The following ACACA variants were observed in gnomAD, a reference collection of about 807,000 sequenced individuals.
ACACA encodes acetyl-CoA carboxylase alpha.
Under a neutral mutation model 296.1 loss-of-function variants are expected in ACACA, and 103 were observed. That is an observed-to-expected ratio of 0.35 (90% CI 0.30 to 0.41). The LOEUF (loss-of-function observed/expected upper bound fraction) is 0.41, where lower values mean the gene tolerates loss of function less well. Ranked by LOEUF, ACACA falls within the 10% of genes least tolerant of loss-of-function variation. The pLI is 1.00. For synonymous variants in ACACA, 953 were observed against 1,038.6 expected (o/e 0.92, Z 1.58); for missense variants, 1,554 against 2,989.7 (o/e 0.52, Z 11.20).
chr17:37,190,433 A>C (rs1255684548), intron 38 of ACACA, among the ~76,000 whole-genome samples: 1 of 152,060 alleles, frequency 6.6e-6, no homozygotes, highest in African/African-American at 2.4e-5. Context: ...GTCTCAACAA[A>C]AAAAAAAAGA....
At chr17:37,252,167 C>A in intron 15 of ACACA, 59 bp from the exon 16 acceptor site, 1 of 1,355,204 alleles carries the variant, frequency 7.4e-7, no homozygotes, top group Admixed American at 1.7e-5. Flanking sequence ...CACAGCCTCT[C>A]AAATGAAATC....
rs574391575 is a variant in ACACA, at chr17:37,085,547, G to T, written c.*1769C>A. 1.0e-5 allele frequency: 4 copies of T among 398,600 alleles called. No homozygotes were observed. The Admixed American group carries it at 1.8e-4, about 18-fold the overall frequency. The allele number at this position is 398,600 out of a possible 1,614,324, so 24.7% of individuals were successfully genotyped here. ...TTCTTACTAGGTAAGCAAATAGCCA[G>T]CAATGGTCAATGCATTTTCCTGGAC... On this transcript the variant is annotated 3_prime_UTR_variant, in exon 56 of 56. Transcript: ENST00000616317.
intron 9 of ACACA, among the ~76,000 whole-genome samples, chr17:37,273,634 G>A (rs1040276067): frequency 1.8e-4 from 28 of 152,176 alleles, no homozygotes; most frequent in African/African-American, 6.8e-4. Context: ...TCTCTCTGTC[G>A]AGGGAAATCT....
chr17:37,154,661 T>C (rs1043027326), intron 43 of ACACA, among the ~76,000 whole-genome samples: 6 of 152,044 alleles, frequency 3.9e-5, no homozygotes, highest in Admixed American at 1.3e-4. Context: ...CAGGCCCGGC[T>C]AATTTGTATA....
chr17:37,401,333 C>A (rs2051282135), intron 1 of ACACA, among the ~76,000 whole-genome samples: 1 of 151,406 alleles, frequency 6.6e-6, no homozygotes, highest in African/African-American at 2.4e-5. Context: ...GCTGGGAATA[C>A]AAGCGCCCGC....
In ACACA at chr17:37,183,746, C is replaced by T. The variant is rs374764143; in HGVS notation, c.4777-2390G>A. Among the ~76,000 whole-genome samples the T allele has an allele frequency of 2.1e-4, 32 of 149,628 alleles. No individual in the cohort carries two copies. In the South Asian group the frequency reaches 5.5e-3, roughly 26 times the overall value. ...TTGCAGTGTTGCAGTGAGCCGAGATCGTGCTACTGCACTCCAGCCTGGGCG... is the reference window on the plus strand; with the variant it reads ...TTGCAGTGTTGCAGTGAGCCGAGATTGTGCTACTGCACTCCAGCCTGGGCG... On this transcript the variant is annotated intron_variant, in intron 39 of 55. Transcript: ENST00000616317.
At chr17:37,099,512 A>AGG (rs2073203243) in intron 52 of ACACA, among the ~76,000 whole-genome samples, 3 of 44,948 alleles carry the variant, frequency 6.7e-5, no homozygotes, top group African/African-American at 3.2e-4. Flanking sequence ...GAGGGCTGAT[A>AGG]GCAGGAGGGC....
intron 29 of ACACA, among the ~76,000 whole-genome samples, chr17:37,217,591 C>T (rs1010480905): frequency 2.0e-5 from 3 of 150,830 alleles, no homozygotes; most frequent in Non-Finnish European, 3.0e-5. Context: ...AAAAATTAGC[C>T]GGGCATCATG....
At chr17:37,365,797 T>C (rs1267978162) in intron 1 of ACACA, 1 of 917,784 alleles carries the variant, frequency 1.1e-6, no homozygotes, top group Non-Finnish European at 1.3e-6. Context: ...GCATGAGTAG[T>C]AGAGACTCCC....
At chr17:37,130,008 G>T in intron 46 of ACACA, 67 bp downstream of exon 46, 1 of 1,585,094 alleles carries the variant, frequency 6.3e-7, no homozygotes, top group South Asian at 1.1e-5. Context: ...TAAACACAGA[G>T]GCAGTGAGCT....
intron 10 of ACACA, among the ~76,000 whole-genome samples, chr17:37,268,753 A>ATATATATATATATATATATATC (rs2081930466): frequency 7.0e-6 from 1 of 142,664 alleles, no homozygotes; most frequent in African/African-American, 2.6e-5. Flanking sequence ...ATATATATAT[A>ATATATATATATATATATATATC]TATATATATA....
At chr17:37,102,377 G>C (rs1206180330) in intron 52 of ACACA, among the ~76,000 whole-genome samples, 1 of 151,860 alleles carries the variant, frequency 6.6e-6, no homozygotes, top group African/African-American at 2.4e-5. Flanking sequence ...ACTGATTTTT[G>C]AATTTTTCAT....
At chr17:37,331,444 T>C (rs1007248929) in intron 2 of ACACA, among the ~76,000 whole-genome samples, 4 of 151,374 alleles carry the variant, frequency 2.6e-5, no homozygotes, top group Non-Finnish European at 4.4e-5. Flanking sequence ...AGTCTCACTC[T>C]GTCGCCCAGG....
chr17:37,142,905 G>A (rs1021509993), intron 45 of ACACA, among the ~76,000 whole-genome samples: 1 of 152,224 alleles, frequency 6.6e-6, no homozygotes, highest in African/African-American at 2.4e-5. Flanking sequence ...GAATCAGAAA[G>A]TATAGAGAAT....
intron 1 of ACACA, chr17:37,360,203 G>GGTGAACTCAGCCCTTCC (rs1293506940): frequency 6.6e-6 from 1 of 152,078 alleles, no homozygotes; most frequent in Non-Finnish European, 1.5e-5. Context: ...AGAAGAACAG[G>GGTGAACTCAGCCCTTCC]GTGAACTCAG....
intron 41 of ACACA, among the ~76,000 whole-genome samples, chr17:37,176,295 A>T (rs183699467): frequency 1.3e-5 from 2 of 152,348 alleles, no homozygotes; most frequent in South Asian, 4.1e-4. Context: ...ACCACCCACA[A>T]TGATGACCTG....
intron 3 of ACACA, among the ~76,000 whole-genome samples, chr17:37,302,705 A>C (rs2083686100): frequency 6.6e-6 from 1 of 152,212 alleles, no homozygotes; most frequent in African/African-American, 2.4e-5. Flanking sequence ...CATGAACAGA[A>C]TATTTTCTTA....
intron 45 of ACACA, among the ~76,000 whole-genome samples, chr17:37,148,258 A>C (rs572993631): frequency 3.3e-5 from 5 of 151,668 alleles, no homozygotes; most frequent in African/African-American, 1.2e-4. Flanking sequence ...CAACCTTAAG[A>C]CTCTCAGCAG....
intron 13 of ACACA, 58 bp downstream of exon 13, chr17:37,258,154 C>T: frequency 6.4e-7 from 1 of 1,570,474 alleles, no homozygotes; most frequent in South Asian, 1.1e-5. Context: ...CTTTCAGATA[C>T]TATCTTAACA....
Sources: gnomAD v4.1 joint callset for allele counts (sites outside exome capture counted in the v4.1 genomes callset) on GRCh38, gnomAD v4.1.1 for gene constraint, MANE v1.5 for transcripts, NCBI Gene and HGNC (gene_info 2026-07-23, HGNC 2026-07-21) for gene names.